Variants in MSH5 observed in about 807,000 individuals in gnomAD.
The protein encoded by MSH5 is mutS protein homolog 5.
A neutral mutation model predicts 107.7 loss-of-function variants in MSH5; 78 were observed. The ratio of observed to expected loss-of-function variants is 0.72; its 90% CI spans 0.60 to 0.87. MSH5 has a LOEUF of 0.87. Ranked by LOEUF, MSH5 falls within the 40% of genes least tolerant of loss-of-function variation. MSH5 has a pLI of 0.00. For missense variants in MSH5, 889 were observed against 1,046.6 expected, an observed-to-expected ratio of 0.85 and a Z score of 2.08; for synonymous variants, 326 against 399.5, an observed-to-expected ratio of 0.82 and a Z score of 2.19.
intron 8 of MSH5, among the ~76,000 whole-genome samples, chr6:31,744,974 T>G (rs1039290530): frequency 6.6e-6 from 1 of 151,778 alleles, no homozygotes; most frequent in Non-Finnish European, 1.5e-5. Flanking sequence ...GCTGGGTGTG[T>G]TGTGCGCCTG....
chr6:31,748,620 G>C (rs952882849), intron 10 of MSH5, among the ~76,000 whole-genome samples: 2 of 152,020 alleles, frequency 1.3e-5, no homozygotes, highest in African/African-American at 4.8e-5. Context: ...GGGATTACAG[G>C]CATGAGTCAC....
chr6:31,745,142 G>A, intron 8 of MSH5, 95 bp from the exon 9 acceptor site: 1 of 730,500 alleles, frequency 1.4e-6, no homozygotes. Context: ...GATCTCAGGA[G>A]GATATCCCCT....
At chr6:31,752,394 A>G (rs917836461) in intron 10 of MSH5, among the ~76,000 whole-genome samples, 4 of 150,646 alleles carry the variant, frequency 2.7e-5, no homozygotes, top group Non-Finnish European at 5.9e-5. Context: ...CGACAGAGCA[A>G]GACTCTATAT....
Position 31,743,171 on chromosome 6 carries a change from G to T in MSH5, c.415+1G>T, listed in dbSNP as rs148087481. 116 of 1,612,632 alleles carry T rather than the reference G, an allele frequency of 7.2e-5. No homozygotes were observed. Among genetic ancestry groups the T allele is most frequent in the Non-Finnish European group, 9.5e-5 (112 of 1,179,872 alleles). Reference sequence around the variant, plus strand: ...ATATTTTTGCCAAGTGTGGATTTTGGTATCTCCTTCCTTTTGCTTTGCCTA... The same window carrying T: ...ATATTTTTGCCAAGTGTGGATTTTGTTATCTCCTTCCTTTTGCTTTGCCTA... On this transcript the variant is annotated splice_donor_variant, in intron 5 of 24. Transcript: ENST00000375750. LOFTEE classifies it high-confidence loss of function.
intron 10 of MSH5, among the ~76,000 whole-genome samples, chr6:31,750,378 C>T (rs1809841811): frequency 6.6e-6 from 1 of 152,136 alleles, no homozygotes; most frequent in African/African-American, 2.4e-5. Flanking sequence ...GAACTAAAAG[C>T]TGTACAGGCA....
In MSH5 at chr6:31,740,189, C is replaced by T. The variant is rs1029844530; in HGVS notation, c.-14+127C>T. ...GACATAAGACGTGCACGACTCGCCC[C>T]ACAGGGCCCTCAGACCCCTTCCTTC... On this transcript the variant is annotated intron_variant, in intron 1 of 24. Coordinates refer to ENST00000375750, the MANE Select transcript of MSH5 (RefSeq NM_172166.4). This position sits in a 1 kb window ranked among gnomAD's most constrained non-coding sequence, Gnocchi z 4.4. 1.7e-4 allele frequency: 64 copies of T among 377,386 alleles called. No individual in the cohort carries two copies. The highest frequency in any genetic ancestry group is 1.3e-3 in the African/African-American group (60 of 47,752). 23.4% of individuals were successfully genotyped at this position (377,386 alleles called of 1,614,324 possible). A position where few individuals can be genotyped will look rare whatever the true frequency, so the allele number is the denominator to read the frequency against.
In MSH5 at chr6:31,761,225, T is replaced by C; in HGVS notation, c.2000T>C (p.Leu667Pro). Residue 667 changes from leucine (L) to proline (P), a missense_variant, in exon 21 of 25, where the codon CTG becomes CCG. This residue lies in a region of MSH5 where 362 missense variants were observed against 456.2 expected (regional missense o/e 0.79). Transcript: ENST00000375750. This position sits in a 1 kb window ranked among gnomAD's most constrained non-coding sequence, Gnocchi z 5.3. ...GTGAACAATGCCACTGCACAGTCGC[T>C]GGTCCTTATTGATGAATTTGGAAAG... ...KAVNNATAQS[L>P]VLIDEFGKGT... 1 of 1,613,986 alleles carries C rather than the reference T, an allele frequency of 6.2e-7. No homozygotes were observed. Among genetic ancestry groups the C allele is most frequent in the South Asian group, 1.1e-5 (1 of 91,062 alleles).
In MSH5 at chr6:31,759,654, A is replaced by G. The variant is rs1406232602; in HGVS notation, c.1496-132A>G. The stretch of plus-strand genomic sequence containing the variant: ...TCTCTGTCTCGCTCACTCTGACTCT[A>G]TCTTTTCCTCTGAATGTCTTGAGGT... On this transcript the variant is annotated intron_variant, in intron 17 of 24. Coordinates refer to ENST00000375750, the MANE Select transcript of MSH5 (RefSeq NM_172166.4). This position sits in a 1 kb window ranked among gnomAD's most constrained non-coding sequence, Gnocchi z 4.7. 24 of 1,356,518 alleles carry G rather than the reference A, an allele frequency of 1.8e-5. No individual in the cohort carries two copies. Among genetic ancestry groups the G allele is most frequent in the East Asian group, 4.7e-5 (2 of 42,954 alleles). 84.0% of individuals were successfully genotyped at this position (1,356,518 alleles called of 1,614,324 possible).
Position 31,762,422 on chromosome 6 carries a change from G to C in MSH5, c.2396G>C (p.Cys799Ser). 1.2e-6 allele frequency: 2 copies of C among 1,610,154 alleles called. No individual in the cohort carries two copies. ...DLLKKNQMEN[C>S]QTLVDKFMKL... ...TTGCGATTTTCTCTCTTCTTCAGTT[G>C]CCAGACATTAGTGGATAAGTTTATG... Residue 799 changes from cysteine (C) to serine (S), a missense_variant and splice_region_variant, in exon 25 of 25, where the codon TGC becomes TCC. Coordinates refer to ENST00000375750, the MANE Select transcript of MSH5 (RefSeq NM_172166.4).
In MSH5 at chr6:31,761,358, A is replaced by G. The variant is rs1449181594; in HGVS notation, c.2037+96A>G. 3 of 1,603,990 alleles carry G rather than the reference A, an allele frequency of 1.9e-6. No individual in the cohort carries two copies. The African/African-American group carries it at 4.0e-5, about 21-fold the overall frequency. On this transcript the variant is annotated intron_variant, in intron 21 of 24. Transcript: ENST00000375750. The surrounding 1 kb of genome is among the most constrained non-coding windows in gnomAD (Gnocchi z 5.3). The stretch of plus-strand genomic sequence containing the variant: ...TGAGGCTGGGCCTCTGGAATGGAAT[A>G]GGGCTGTGTGGGCAGAAAAGAAATA...
At chr6:31,743,617 C>A in intron 5 of MSH5, 1 of 496,426 alleles carries the variant, frequency 2.0e-6, no homozygotes. Flanking sequence ...TCTATTAATA[C>A]CATTATTTTG....
rs766907521 is a variant in MSH5, at chr6:31,760,758, A to G, written c.1881A>G (p.Ala627=). 1.2e-6 allele frequency: 2 copies of G among 1,613,052 alleles called. No homozygotes were observed. The highest frequency in any genetic ancestry group is 2.2e-5 in the East Asian group (1 of 44,890). Residue 627 remains alanine, a synonymous_variant, in exon 20 of 25, where the codon GCA becomes GCG. Transcript: ENST00000375750. The surrounding 1 kb of genome is among the most constrained non-coding windows in gnomAD (Gnocchi z 5.6). The part of the protein sequence containing the change: ...FVPAEEAEIG[A]VDAIFTRIHS... The stretch of plus-strand genomic sequence containing the variant: ...CAGCAGAGGAGGCCGAAATTGGGGC[A>G]GTAGACGCCATCTTCACACGAATTC...
Position 31,744,011 on chromosome 6 carries a change from G to A in MSH5, c.523G>A (p.Asp175Asn), listed in dbSNP as rs1809164998. The A allele has an allele frequency of 6.2e-7, 1 of 1,614,034 alleles. No individual in the cohort carries two copies. Among genetic ancestry groups the A allele is most frequent in the Non-Finnish European group, 8.5e-7 (1 of 1,180,022 alleles). The stretch of plus-strand genomic sequence containing the variant: ...CTTCCTCTCTTCCATTATTCCCTTT[G>A]ACTGCCTCCTCACAGTGAGATTGGT... Reference protein sequence around the residue: ...ILFLSSIIPFDCLLTVRALGG... With the variant: ...ILFLSSIIPFNCLLTVRALGG... The change falls in exon 6 of 25, where the codon GAC becomes AAC. Residue 175 changes from aspartate to asparagine, a missense_variant. Physicochemically the swap from Asp to Asn is conservative, Grantham distance 23 (BLOSUM62 1). Coordinates refer to ENST00000375750, the MANE Select transcript of MSH5 (RefSeq NM_172166.4).
chr6:31,743,481 A>C, intron 5 of MSH5: 1 of 492,924 alleles, frequency 2.0e-6, no homozygotes, highest in East Asian at 3.4e-5. Context: ...TTATCACCAA[A>C]CCAAAAGGCA....
At position 31,759,575 on chromosome 6, in the gene MSH5, AG is replaced by A; in HGVS notation, c.1495+65del. ...TTTAAAAAAAGCAGCAGCCAGGGGA[AG>A]GAGGGGAGTGGGCAACTTGGGGATG... On this transcript the variant is annotated intron_variant, in intron 17 of 24. Transcript: ENST00000375750. This position sits in a 1 kb window ranked among gnomAD's most constrained non-coding sequence, Gnocchi z 4.7. 1.3e-6 allele frequency: 2 copies of A among 1,580,100 alleles called. No homozygotes were observed. The highest frequency in any genetic ancestry group is 1.7e-6 in the Non-Finnish European group (2 of 1,155,284).
chr6:31,756,046 G>GT (rs555910588), intron 12 of MSH5, among the ~76,000 whole-genome samples: 259 of 143,492 alleles, frequency 1.8e-3, no homozygotes, highest in Middle Eastern at 0.014. Context: ...TAGGTTCAGA[G>GT]TTTTTTTTTT....
rs1809239989 is a variant in MSH5, at chr6:31,744,588, A to G, written c.683+7A>G. ...TAGATCAAGACACTTACAGGTAAAG[A>G]GGTGGAGGCATGCTGCTGTCTCTGG... On this transcript the variant is annotated splice_region_variant and intron_variant, in intron 8 of 24. Coordinates refer to ENST00000375750, the MANE Select transcript of MSH5 (RefSeq NM_172166.4). The G allele has an allele frequency of 4.3e-6, 7 of 1,613,120 alleles. No homozygotes were observed. In the African/African-American group the frequency reaches 5.3e-5, roughly 12 times the overall value.
At position 31,761,520 on chromosome 6, in the gene MSH5, C is replaced by A; in HGVS notation, c.2086C>A (p.Arg696Ser). 6.2e-7 allele frequency: 1 copy of A among 1,613,792 alleles called. No individual in the cohort carries two copies. The change falls in exon 22 of 25, where the codon CGT becomes AGT. Residue 696 changes from arginine (R) to serine (S), a missense_variant. Arg to Ser is a moderately radical substitution (Grantham distance 110). This residue lies in a region of MSH5 where 362 missense variants were observed against 456.2 expected (regional missense o/e 0.79). Transcript: ENST00000375750. The surrounding 1 kb of genome is among the most constrained non-coding windows in gnomAD (Gnocchi z 5.3). The part of the protein sequence containing the change: ...LAAVLRHWLA[R>S]GPTCPHIFVA... ...CGCTGTGCTCCGACACTGGCTGGCA[C>A]GTGGACCCACATGCCCCCACATCTT... is the stretch of plus-strand genomic sequence containing the variant.
Position 31,759,708 on chromosome 6 carries a change from G to C in MSH5, c.1496-78G>C. The C allele has an allele frequency of 6.6e-7, 1 of 1,518,482 alleles. No homozygotes were observed. Among genetic ancestry groups the C allele is most frequent in the Non-Finnish European group, 9.0e-7 (1 of 1,115,394 alleles). The allele number at this position is 1,518,482 out of a possible 1,614,324, so 94.1% of individuals were successfully genotyped here. On this transcript the variant is annotated intron_variant, in intron 17 of 24. Coordinates refer to ENST00000375750, the MANE Select transcript of MSH5 (RefSeq NM_172166.4). This position sits in a 1 kb window ranked among gnomAD's most constrained non-coding sequence, Gnocchi z 4.7. ...AGATTGTATCTGCAACCTGTTTCCA[G>C]ATCCCCCTAGGGGCCTCTGCCTCTC...
Sources: allele counts gnomAD v4.1 joint callset (sites outside exome capture counted in the v4.1 genomes callset), GRCh38; gene constraint gnomAD v4.1.1; regional missense constraint gnomAD v4.1.1; non-coding constraint Gnocchi (gnomAD v3.1); transcripts MANE v1.5; gene names NCBI Gene and HGNC (gene_info 2026-07-23, HGNC 2026-07-21).